TNFRSF10A: variants seen among roughly 807,000 people sequenced by gnomAD.
The protein encoded by TNFRSF10A is TNF receptor superfamily member 10a.
A neutral mutation model predicts 42.8 loss-of-function variants in TNFRSF10A; 44 were observed. That is an observed-to-expected ratio of 1.03 (90% CI 0.81 to 1.32). The LOEUF is 1.32. Among genes scored for constraint, TNFRSF10A ranks in the 40% most tolerant of loss-of-function variants. TNFRSF10A has a pLI of 0.00. For missense variants in TNFRSF10A, 680 were observed against 602.0 expected (o/e 1.13, Z -1.36); for synonymous variants, 259 against 234.2 (o/e 1.11, Z -0.97).
intron 1 of TNFRSF10A, among the ~76,000 whole-genome samples, chr8:23,223,889 C>T (rs575801783): frequency 7.0e-4 from 106 of 152,336 alleles, no homozygotes; most frequent in Middle Eastern, 3.4e-3. Flanking sequence ...ATTCGCTGCC[C>T]TGTACCTGTT....
rs527249046 is a variant in TNFRSF10A at position 23,222,022 on chromosome 8, G to A, written c.306+2734C>T. 2.2e-3 allele frequency among the ~76,000 whole-genome samples: 339 copies of A among 152,056 alleles called. 1 individual carries two copies. The highest frequency in any genetic ancestry group is 7.7e-3 in the African/African-American group (319 of 41,466). ...CTCCCGAGTAGCTGGGACTACAGGC[G>A]CCCGCCACCGTGCCTGGCTAATTTT... On this transcript the variant is annotated intron_variant, in intron 1 of 9. Transcript: ENST00000221132.
rs1164957687 is a variant in TNFRSF10A, at chr8:23,201,889, G to A, written c.548C>T (p.Thr183Ile). ...TTTGCACTGACATGCTGTGTTCCTG[G>A]TCGTGGTGCAGGGACTTCTCTCTTC... ...DEEERSPCTT[T>I]RNTACQCKPG... The change falls in exon 4 of 10, where the codon ACC becomes ATC. Residue 183 changes from threonine (T) to isoleucine (I), a missense_variant. Physicochemically the swap from Thr to Ile is moderately conservative, Grantham distance 89 (BLOSUM62 -1). Transcript: ENST00000221132. 9 of 1,614,126 alleles carry A rather than the reference G, an allele frequency of 5.6e-6. No homozygotes were observed. Among genetic ancestry groups the A allele is most frequent in the South Asian group, 1.1e-5 (1 of 91,080 alleles).
intron 3 of TNFRSF10A, among the ~76,000 whole-genome samples, chr8:23,202,241 G>A (rs952080693): frequency 6.6e-6 from 1 of 152,198 alleles, no homozygotes; most frequent in Non-Finnish European, 1.5e-5. Context: ...GGAGCCCTTG[G>A]GTGACTTCCC....
intron 9 of TNFRSF10A, among the ~76,000 whole-genome samples, chr8:23,194,195 T>C (rs1800793303): frequency 1.3e-5 from 2 of 152,204 alleles, no homozygotes; most frequent in South Asian, 4.1e-4. Context: ...TGGATCTTTG[T>C]GTGTGCATAT....
intron 2 of TNFRSF10A, among the ~76,000 whole-genome samples, chr8:23,203,508 C>T (rs1266098705): frequency 1.3e-5 from 2 of 152,234 alleles, no homozygotes; most frequent in Non-Finnish European, 2.9e-5. Flanking sequence ...CAGGAGCTGT[C>T]GCCAGCGGGA....
rs769616225 is a variant in TNFRSF10A at position 23,200,590 on chromosome 8, A to G, written c.714T>C (p.His238=). The part of the protein sequence containing the change: ...ECVHKESGNG[H]NIWVILVVTL... ...TCACAACCAAAATCACCCATATATTATGTCCATTGCCTGAGAAAAGACAGG... is the reference window on the plus strand; with the variant it reads ...TCACAACCAAAATCACCCATATATTGTGTCCATTGCCTGAGAAAAGACAGG... The change falls in exon 6 of 10, where the codon CAT becomes CAC. Residue 238 remains histidine (H), a synonymous_variant. Coordinates refer to ENST00000221132, the MANE Select transcript of TNFRSF10A (RefSeq NM_003844.4). The G allele has an allele frequency of 1.2e-6, 2 of 1,614,038 alleles. No individual in the cohort carries two copies. The highest frequency in any genetic ancestry group is 2.7e-5 in the African/African-American group (2 of 74,914).
At chr8:23,214,298 T>C (rs1801143892) in intron 1 of TNFRSF10A, among the ~76,000 whole-genome samples, 1 of 152,076 alleles carries the variant, frequency 6.6e-6, no homozygotes, top group East Asian at 1.9e-4. Flanking sequence ...CCATCCTGGC[T>C]AACACGGTGA....
At chr8:23,217,788 G>A (rs1801205098) in intron 1 of TNFRSF10A, among the ~76,000 whole-genome samples, 1 of 152,142 alleles carries the variant, frequency 6.6e-6, no homozygotes, top group South Asian at 2.1e-4. Flanking sequence ...GGAATCGTGG[G>A]GTATCAAGAA....
chr8:23,202,500 A>G (rs1800945921), intron 3 of TNFRSF10A, 148 bp downstream of exon 3: 6 of 625,064 alleles, frequency 9.6e-6, no homozygotes, highest in Non-Finnish European at 1.8e-5. Flanking sequence ...TTTCTGTTTC[A>G]TTTTATGGAC....
intron 9 of TNFRSF10A, among the ~76,000 whole-genome samples, chr8:23,193,110 C>T (rs908703057): frequency 6.6e-6 from 1 of 152,024 alleles, no homozygotes; most frequent in African/African-American, 2.4e-5. Flanking sequence ...CACTGCAGCA[C>T]CCTATTAAAG....
chr8:23,198,298 T>A (rs1228704001), intron 8 of TNFRSF10A, among the ~76,000 whole-genome samples: 1 of 152,168 alleles, frequency 6.6e-6, no homozygotes, highest in Non-Finnish European at 1.5e-5. Flanking sequence ...AATCACATCA[T>A]TGAAAAAAAT....
chr8:23,199,126 G>A, intron 8 of TNFRSF10A, 140 bp downstream of exon 8: 6 of 943,368 alleles, frequency 6.4e-6, no homozygotes, highest in South Asian at 5.3e-5. Flanking sequence ...CCCTTGTGAG[G>A]GTGGCTGCTT....
intron 9 of TNFRSF10A, among the ~76,000 whole-genome samples, chr8:23,195,469 A>G (rs1182918562): frequency 6.6e-6 from 1 of 152,194 alleles, no homozygotes; most frequent in East Asian, 1.9e-4. Flanking sequence ...ATTTGTGACT[A>G]TTAATTCATG....
At chr8:23,193,335 G>T (rs1460058463) in intron 9 of TNFRSF10A, among the ~76,000 whole-genome samples, 1 of 152,190 alleles carries the variant, frequency 6.6e-6, no homozygotes, top group African/African-American at 2.4e-5. Flanking sequence ...GTCTCTCTCA[G>T]GTCCCACTGC....
At chr8:23,203,142 A>C (rs1005885983) in intron 2 of TNFRSF10A, among the ~76,000 whole-genome samples, 1 of 152,208 alleles carries the variant, frequency 6.6e-6, no homozygotes, top group Non-Finnish European at 1.5e-5. Context: ...TTCGAAACCC[A>C]GAGTGTATTT....
chr8:23,209,230 C>T lies in TNFRSF10A; in HGVS notation c.403+2886G>A, dbSNP rs189397009. On this transcript the variant is annotated intron_variant, in intron 2 of 9. Transcript: ENST00000221132. Reference sequence around the variant, plus strand: ...GTAGATTTCAGAAGATGTATGAAAACGCCTGGATGCCCAGGCAAAAGTTTG... The same window carrying T: ...GTAGATTTCAGAAGATGTATGAAAATGCCTGGATGCCCAGGCAAAAGTTTG... Among the ~76,000 whole-genome samples, 38 of 152,326 alleles carry T rather than the reference C, an allele frequency of 2.5e-4. No homozygotes were observed. The East Asian group carries it at 6.8e-3, about 27-fold the overall frequency.
intron 1 of TNFRSF10A, among the ~76,000 whole-genome samples, chr8:23,212,923 A>T (rs1002098120): frequency 6.6e-6 from 1 of 152,222 alleles, no homozygotes; most frequent in Non-Finnish European, 1.5e-5. Flanking sequence ...CCACACGAAG[A>T]GTTAGAAAGT....
chr8:23,215,503 G>C (rs1053784256), intron 1 of TNFRSF10A, among the ~76,000 whole-genome samples: 1 of 148,206 alleles, frequency 6.7e-6, no homozygotes, highest in African/African-American at 2.5e-5. Context: ...GCGAGACTCC[G>C]ACTCAAAAAA....
chr8:23,224,128 G>A (rs1801296089), intron 1 of TNFRSF10A, among the ~76,000 whole-genome samples: 1 of 151,576 alleles, frequency 6.6e-6, no homozygotes. Context: ...GTGAAACCCC[G>A]TGACTACTAA....
Sources: allele counts gnomAD v4.1 joint callset (sites outside exome capture counted in the v4.1 genomes callset), GRCh38; gene constraint gnomAD v4.1.1; transcripts MANE v1.5; gene names NCBI Gene and HGNC (gene_info 2026-07-23, HGNC 2026-07-21).